Variants in NEXMIF observed in about 807,000 individuals in gnomAD.
NEXMIF encodes the protein neurite extension and migration factor.
In NEXMIF, 8 loss-of-function variants were observed where a neutral mutation model predicts 62.1. That is an observed-to-expected ratio of 0.13 (90% CI 0.08 to 0.23). The LOEUF (loss-of-function observed/expected upper bound fraction) is 0.23. NEXMIF is among the 10% of genes least tolerant of loss of function. The pLI, the probability that NEXMIF is intolerant of heterozygous loss-of-function variation, is 1.00. For missense variants in NEXMIF, 976 were observed against 1,113.3 expected (o/e 0.88, Z 1.75); for synonymous variants, 404 against 416.6 (o/e 0.97, Z 0.37).
chrX:74,747,958 G>C (rs1189059864), intron 1 of NEXMIF, among the ~76,000 whole-genome samples: 1 of 111,899 alleles, frequency 8.9e-6, no homozygotes, highest in Non-Finnish European at 1.9e-5. Flanking sequence ...CTATGTCAGG[G>C]GACATATTAG....
chrX:74,835,920 A>G (rs2080454890), intron 1 of NEXMIF, among the ~76,000 whole-genome samples: 1 of 112,220 alleles, frequency 8.9e-6, no homozygotes, highest in African/African-American at 3.2e-5. Context: ...GGAGTTAAAA[A>G]AACATCAGAA....
At chrX:74,759,268 T>C (rs1015889919) in intron 1 of NEXMIF, among the ~76,000 whole-genome samples, 3 of 112,475 alleles carry the variant, frequency 2.7e-5, no homozygotes, top group Non-Finnish European at 5.6e-5. Flanking sequence ...TTGAAGTTCC[T>C]TAAAGATGCT....
At chrX:74,880,586 G>A (rs940889558) in intron 1 of NEXMIF, among the ~76,000 whole-genome samples, 2 of 112,140 alleles carry the variant, frequency 1.8e-5, no homozygotes, top group African/African-American at 3.2e-5. Flanking sequence ...TGTTATCCCA[G>A]TCTTTGTTTC....
rs1323812138 is a variant in NEXMIF, at chrX:74,733,273, C to A, written c.*6132G>T. 2.7e-5 allele frequency: 3 copies of A among 112,266 alleles called. No homozygotes were observed. The highest frequency in any genetic ancestry group is 5.6e-5 in the Non-Finnish European group (3 of 53,253). The allele number at this position is 112,266 out of a possible 1,213,427, so 9.3% of individuals were successfully genotyped here. A position where few individuals can be genotyped will look rare whatever the true frequency, so the allele number is the denominator to read the frequency against. On this transcript the variant is annotated 3_prime_UTR_variant, in exon 4 of 4. Coordinates refer to ENST00000055682, the MANE Select transcript of NEXMIF (RefSeq NM_001008537.3). ...GGACTTGTCTCAAACAGGGTACCAA[C>A]TTTTTGCAATTCGTTTCTTTCCCCT...
In NEXMIF at chrX:74,738,067, G is replaced by T. The variant is rs1216138388; in HGVS notation, c.*1338C>A. 1 of 111,538 alleles carries T rather than the reference G, an allele frequency of 9.0e-6. No homozygotes were observed. The highest frequency in any genetic ancestry group is 1.9e-5 in the Non-Finnish European group (1 of 53,115). The allele number at this position is 111,538 out of a possible 1,213,427, so 9.2% of individuals were successfully genotyped here. Reference sequence around the variant, plus strand: ...GAGATCAAATGTTAGAAGTCAAGTGGTGAATAAAAGGGAAGAAAAAGTAGT... The same window carrying T: ...GAGATCAAATGTTAGAAGTCAAGTGTTGAATAAAAGGGAAGAAAAAGTAGT... On this transcript the variant is annotated 3_prime_UTR_variant, in exon 4 of 4. Transcript: ENST00000055682.
intron 1 of NEXMIF, among the ~76,000 whole-genome samples, chrX:74,780,704 T>A (rs1205738442): frequency 8.9e-6 from 1 of 111,973 alleles, no homozygotes; most frequent in East Asian, 2.8e-4. Context: ...CAGCACCTTA[T>A]AGGCTATAAA....
intron 1 of NEXMIF, among the ~76,000 whole-genome samples, chrX:74,813,684 A>G (rs1332845057): frequency 8.9e-6 from 1 of 112,216 alleles, no homozygotes; most frequent in Non-Finnish European, 1.9e-5. Flanking sequence ...ATCCACCAGT[A>G]TGTGAATTCC....
chrX:74,822,670 G>A (rs1301549025), intron 1 of NEXMIF, among the ~76,000 whole-genome samples: 1 of 112,085 alleles, frequency 8.9e-6, no homozygotes, highest in African/African-American at 3.2e-5. Flanking sequence ...GCAGAGAAAT[G>A]CAAATAAAAA....
At position 74,751,169 on chromosome X, in the gene NEXMIF, A is replaced by G. The variant is rs1411704193; in HGVS notation, c.-47-5472T>C. Among the ~76,000 whole-genome samples, 4 of 111,312 alleles carry G rather than the reference A, an allele frequency of 3.6e-5. No individual in the cohort carries two copies. In the Admixed American group the frequency reaches 3.8e-4, roughly 11 times the overall value. ...TGCTTGAACCCGGGAGGTTGAAGCC[A>G]CAGTGAGCCAAGATCGTGCCACTGC... On this transcript the variant is annotated intron_variant, in intron 1 of 3. Coordinates refer to ENST00000055682, the MANE Select transcript of NEXMIF (RefSeq NM_001008537.3).
rs1414885430 is a variant in NEXMIF at position 74,734,135 on chromosome X, G to T, written c.*5270C>A. On this transcript the variant is annotated 3_prime_UTR_variant, in exon 4 of 4. Transcript: ENST00000055682. The stretch of plus-strand genomic sequence containing the variant: ...AATAATTTCCTAACATTTTTAAGTT[G>T]CAGTGTCATATGTCAAACAGAAACT... The T allele has an allele frequency of 2.7e-5, 3 of 111,865 alleles. No homozygotes were observed. The highest frequency in any genetic ancestry group is 9.5e-5 in the Admixed American group (1 of 10,479). 9.2% of individuals were successfully genotyped at this position (111,865 alleles called of 1,213,427 possible). A position where few individuals can be genotyped will look rare whatever the true frequency, so the allele number is the denominator to read the frequency against.
chrX:74,849,911 AG>A (rs1939025489), intron 1 of NEXMIF, among the ~76,000 whole-genome samples: 1 of 111,812 alleles, frequency 8.9e-6, no homozygotes, highest in African/African-American at 3.3e-5. Flanking sequence ...TACCAATGAA[AG>A]CAACCTTGCA....
intron 1 of NEXMIF, among the ~76,000 whole-genome samples, chrX:74,831,902 T>C (rs1272001518): frequency 2.7e-5 from 3 of 112,450 alleles, no homozygotes; most frequent in Non-Finnish European, 5.6e-5. Flanking sequence ...ACTCCATTCA[T>C]ATGATGTATC....
intron 1 of NEXMIF, among the ~76,000 whole-genome samples, chrX:74,793,427 C>T (rs1390197075): frequency 2.7e-5 from 3 of 109,102 alleles, no homozygotes; most frequent in Non-Finnish European, 5.7e-5. Context: ...TTCATTTCAA[C>T]TTTGGTGAAT....
chrX:74,773,710 C>T (rs1338140879), intron 1 of NEXMIF, among the ~76,000 whole-genome samples: 1 of 109,687 alleles, frequency 9.1e-6, no homozygotes, highest in African/African-American at 3.3e-5. Context: ...GAGTTTGAGA[C>T]CAGTCTGGCC....
chrX:74,747,577 T>C (rs1437843575), intron 1 of NEXMIF, among the ~76,000 whole-genome samples: 1 of 110,875 alleles, frequency 9.0e-6, no homozygotes, highest in Non-Finnish European at 1.9e-5. Flanking sequence ...CTGTTATCAG[T>C]AAAAATTAAT....
intron 1 of NEXMIF, among the ~76,000 whole-genome samples, chrX:74,772,594 C>T (rs1414716436): frequency 8.9e-6 from 1 of 112,501 alleles, no homozygotes; most frequent in Non-Finnish European, 1.9e-5. Context: ...TTTCCATGAC[C>T]TGCTCCATTT....
In NEXMIF at chrX:74,744,244, T is replaced by G. The variant is rs141738108; in HGVS notation, c.313A>C (p.Ile105Leu). Residue 105 changes from isoleucine (I) to leucine (L), a missense_variant, in exon 3 of 4, where the codon ATT (isoleucine) becomes CTT (leucine). By Grantham distance (5) the Ile-to-Leu change is conservative. Coordinates refer to ENST00000055682, the MANE Select transcript of NEXMIF (RefSeq NM_001008537.3). ...SVNAISLTSG[I>L]AKGLNTWSLP... is the part of the protein sequence containing the mutation. ...GACCATGTGTTCAGGCCTTTTGCAA[T>G]GCCAGATGTGAGGGAGATGGCATTC... is the stretch of plus-strand genomic sequence containing the variant. 26 of 1,209,598 alleles carry G rather than the reference T, an allele frequency of 2.1e-5. No homozygotes were observed. The African/African-American group carries it at 4.0e-4, about 19-fold the overall frequency.
chrX:74,799,672 C>G (rs899522251), intron 1 of NEXMIF, among the ~76,000 whole-genome samples: 1 of 111,104 alleles, frequency 9.0e-6, no homozygotes, highest in Non-Finnish European at 1.9e-5. Flanking sequence ...GCTCTGTTGT[C>G]CAGGCTGGAG....
intron 1 of NEXMIF, among the ~76,000 whole-genome samples, chrX:74,876,079 T>C (rs1479519764): frequency 2.7e-5 from 3 of 111,140 alleles, no homozygotes; most frequent in East Asian, 2.8e-4. Flanking sequence ...TCCTTTGTGA[T>C]GTTAGGGTGT....
Sources: allele counts gnomAD v4.1 joint callset (sites outside exome capture counted in the v4.1 genomes callset), GRCh38; gene constraint gnomAD v4.1.1; transcripts MANE v1.5; gene names NCBI Gene and HGNC (gene_info 2026-07-23, HGNC 2026-07-21).